Variants in GMDS observed in about 807,000 individuals in gnomAD.
GMDS encodes the protein GDP-mannose 4,6 dehydratase.
Under a neutral mutation model 49.9 loss-of-function variants are expected in GMDS, and 20 were observed. That is an observed-to-expected ratio of 0.40 (90% CI 0.28 to 0.58). The LOEUF (loss-of-function observed/expected upper bound fraction) is 0.58. Ranked by LOEUF, GMDS falls within the 20% of genes least tolerant of loss-of-function variation. The probability of loss-of-function intolerance (pLI) is 0.42; values close to 1 mark genes in which losing one functional copy is unlikely to be tolerated. For missense variants in GMDS, 362 were observed against 481.4 expected, an observed-to-expected ratio of 0.75 and a Z score of 2.32; for synonymous variants, 177 against 178.6, an observed-to-expected ratio of 0.99 and a Z score of 0.07.
intron 4 of GMDS, among the ~76,000 whole-genome samples, chr6:2,092,927 G>A (rs771191126): frequency 1.3e-5 from 2 of 152,134 alleles, no homozygotes; most frequent in Non-Finnish European, 1.5e-5. Context: ...AAAGATAATA[G>A]GAGGTTGTCA....
At chr6:1,910,207 A>T (rs1482720974) in intron 7 of GMDS, among the ~76,000 whole-genome samples, 1 of 151,898 alleles carries the variant, frequency 6.6e-6, no homozygotes, top group Non-Finnish European at 1.5e-5. Flanking sequence ...TATAGCTTGA[A>T]TTTTATTTCT....
chr6:1,629,733 C>T (rs1245682427), intron 9 of GMDS, among the ~76,000 whole-genome samples: 2 of 152,164 alleles, frequency 1.3e-5, no homozygotes, highest in Admixed American at 6.5e-5. Context: ...CTGCATGGTG[C>T]CTAATGGGCA....
At chr6:2,155,057 T>C (rs1777044581) in intron 1 of GMDS, among the ~76,000 whole-genome samples, 1 of 152,086 alleles carries the variant, frequency 6.6e-6, no homozygotes, top group African/African-American at 2.4e-5. Context: ...CCATAAGACA[T>C]GTATCATACT....
chr6:1,935,707 T>A (rs1242662726), intron 6 of GMDS, among the ~76,000 whole-genome samples: 2 of 152,110 alleles, frequency 1.3e-5, no homozygotes, highest in African/African-American at 4.8e-5. Context: ...TAAAAGTATA[T>A]CCATAAGACC....
intron 8 of GMDS, among the ~76,000 whole-genome samples, chr6:1,732,486 G>A (rs541572611): frequency 1.3e-5 from 2 of 152,306 alleles, no homozygotes; most frequent in African/African-American, 2.4e-5. Context: ...GGGTCAAGGG[G>A]AGAAGAAGAG....
At chr6:1,977,678 C>T (rs918087671) in intron 4 of GMDS, among the ~76,000 whole-genome samples, 1 of 152,150 alleles carries the variant, frequency 6.6e-6, no homozygotes, top group Non-Finnish European at 1.5e-5. Flanking sequence ...GAACCCCCAC[C>T]CCCAGCCAAG....
intron 9 of GMDS, among the ~76,000 whole-genome samples, chr6:1,723,620 C>T (rs9405507): frequency 0.84 from 126,252 of 150,740 alleles, 53,353 homozygotes; most frequent in East Asian, 1. Context: ...TCAGTCATTC[C>T]GAAATGATTC....
In GMDS at chr6:1,721,120, G is replaced by A. The variant is rs570732675; in HGVS notation, c.987+5296C>T. On this transcript the variant is annotated intron_variant, in intron 9 of 10. Coordinates refer to ENST00000380815, the MANE Select transcript of GMDS (RefSeq NM_001500.4). ...ATCATTATTCTAAACAGGGCTATGA[G>A]ATAGAGCAAGCAATTATAGGCCATT... Among the ~76,000 whole-genome samples the A allele has an allele frequency of 3.3e-5, 5 of 152,118 alleles. No homozygotes were observed. The South Asian group carries it at 1.0e-3, about 32-fold the overall frequency.
At chr6:2,170,109 A>T (rs1029965113) in intron 1 of GMDS, among the ~76,000 whole-genome samples, 9 of 151,968 alleles carry the variant, frequency 5.9e-5, no homozygotes, top group African/African-American at 2.2e-4. Context: ...AGCCTGAGGC[A>T]GGAGAATCGC....
chr6:2,187,581 T>C (rs1778834058), intron 1 of GMDS, among the ~76,000 whole-genome samples: 2 of 152,230 alleles, frequency 1.3e-5, no homozygotes, highest in African/African-American at 4.8e-5. Flanking sequence ...GATCCTATCC[T>C]ATGAGAGTGG....
At chr6:1,662,416 T>C (rs1764108931) in intron 9 of GMDS, among the ~76,000 whole-genome samples, 1 of 151,938 alleles carries the variant, frequency 6.6e-6, no homozygotes, top group South Asian at 2.1e-4. Context: ...GCTGGAGAAA[T>C]GATAGCAGCA....
At chr6:2,087,817 G>T (rs1581633066) in intron 4 of GMDS, among the ~76,000 whole-genome samples, 1 of 152,124 alleles carries the variant, frequency 6.6e-6, no homozygotes, top group East Asian at 1.9e-4. Flanking sequence ...TTTTTAGTTT[G>T]CCAGAATGTT....
intron 1 of GMDS, among the ~76,000 whole-genome samples, chr6:2,168,779 T>G (rs533301657): frequency 1.3e-5 from 2 of 152,326 alleles, no homozygotes; most frequent in African/African-American, 2.4e-5. Context: ...TTAATACAAG[T>G]ATTGTAAGCA....
intron 7 of GMDS, among the ~76,000 whole-genome samples, chr6:1,902,200 C>T (rs1760535478): frequency 1.3e-5 from 2 of 152,174 alleles, no homozygotes; most frequent in African/African-American, 4.8e-5. Flanking sequence ...TTTCCTTGCT[C>T]TTAAAATCTA....
chr6:1,970,830 G>A (rs1016436126), intron 4 of GMDS, among the ~76,000 whole-genome samples: 1 of 152,164 alleles, frequency 6.6e-6, no homozygotes, highest in Admixed American at 6.5e-5. Flanking sequence ...GAGAGCATCA[G>A]GATAAATAGC....
chr6:2,184,828 T>G (rs1034318818), intron 1 of GMDS, among the ~76,000 whole-genome samples: 1 of 152,224 alleles, frequency 6.6e-6, no homozygotes, highest in Non-Finnish European at 1.5e-5. Context: ...GTTTATACCA[T>G]TGGGAACCAT....
intron 1 of GMDS, among the ~76,000 whole-genome samples, chr6:2,234,737 G>A (rs1453506478): frequency 2.0e-5 from 3 of 152,178 alleles, no homozygotes; most frequent in African/African-American, 4.8e-5. Context: ...AAAATGATAG[G>A]AGTAATCTCT....
At chr6:1,838,060 C>T (rs1429012675) in intron 7 of GMDS, among the ~76,000 whole-genome samples, 1 of 152,138 alleles carries the variant, frequency 6.6e-6, no homozygotes, top group Non-Finnish European at 1.5e-5. Context: ...TGGTGCAAAC[C>T]TCCCACGAGT....
chr6:2,083,936 G>C (rs1581627943), intron 4 of GMDS, among the ~76,000 whole-genome samples: 1 of 152,208 alleles, frequency 6.6e-6, no homozygotes, highest in Admixed American at 6.5e-5. Flanking sequence ...AACAGCTAAA[G>C]CTAAAATATA....
Sources: allele counts gnomAD v4.1 joint callset (sites outside exome capture counted in the v4.1 genomes callset), GRCh38; gene constraint gnomAD v4.1.1; transcripts MANE v1.5; gene names NCBI Gene and HGNC (gene_info 2026-07-23, HGNC 2026-07-21).